The following ANKRD30BL variants were observed in gnomAD, a reference collection of about 807,000 sequenced individuals.
The protein encoded by ANKRD30BL is ankyrin repeat domain 30B like.
ANKRD30BL carries 20 observed loss-of-function variants against 18.4 expected under a neutral mutation model. That is an observed-to-expected ratio of 1.09 (90% confidence interval 0.77 to 1.58). The LOEUF is 1.58. Among genes scored for constraint, ANKRD30BL ranks in the 40% most tolerant of loss-of-function variants. The pLI is 0.00. For synonymous variants in ANKRD30BL, 72 were observed against 100.9 expected (o/e 0.71, Z 1.72); for missense variants, 224 against 268.6 (o/e 0.83, Z 1.16).
chr2:132,237,219 T>C (rs1174501821), intron 1 of ANKRD30BL, among the ~76,000 whole-genome samples: 2 of 152,002 alleles, frequency 1.3e-5, no homozygotes, highest in African/African-American at 4.8e-5. Context: ...GGCGCAAGTA[T>C]ACATATGTAA....
intron 1 of ANKRD30BL, among the ~76,000 whole-genome samples, chr2:132,254,785 G>A (rs79119939): frequency 4.0e-5 from 6 of 151,798 alleles, no homozygotes; most frequent in East Asian, 1.9e-4. Context: ...GATGCCGACC[G>A]CTCCAGGGTC....
chr2:132,230,957 T>C (rs890070795), intron 1 of ANKRD30BL, among the ~76,000 whole-genome samples: 1 of 151,740 alleles, frequency 6.6e-6, no homozygotes, highest in African/African-American at 2.4e-5. Context: ...GATGGAATGC[T>C]TTGCAGCCTT....
chr2:132,157,546 A>G (rs1234260369), intron 1 of ANKRD30BL, 123 bp from the exon 2 acceptor site: 2 of 447,254 alleles, frequency 4.5e-6, no homozygotes, highest in African/African-American at 4.1e-5. Flanking sequence ...AATATTTAAT[A>G]TTCTCCTGAA....
chr2:132,188,869 C>T (rs1678784237), intron 1 of ANKRD30BL, among the ~76,000 whole-genome samples: 1 of 152,136 alleles, frequency 6.6e-6, no homozygotes, highest in Admixed American at 6.6e-5. Context: ...ATACATCAGG[C>T]TTATTAAGTC....
chr2:132,247,815 C>T (rs1680544129), intron 1 of ANKRD30BL, among the ~76,000 whole-genome samples: 1 of 151,982 alleles, frequency 6.6e-6, no homozygotes, highest in African/African-American at 2.4e-5. Context: ...GCAGATAGTA[C>T]AAAAAGACTG....
At position 132,157,440 on chromosome 2, in the gene ANKRD30BL, C is replaced by G. The variant is rs567337910; in HGVS notation, c.219-17G>C. 1.3e-5 allele frequency: 8 copies of G among 624,764 alleles called. No homozygotes were observed. The highest frequency in any genetic ancestry group is 1.2e-4 in the South Asian group (6 of 49,018). The allele number at this position is 624,764 out of a possible 1,614,324, so 38.7% of individuals were successfully genotyped here. On this transcript the variant is annotated splice_polypyrimidine_tract_variant and intron_variant, in intron 1 of 5. Transcript: ENST00000409867. ...AGAGCAGTCCTACAAGAATGAGAGG[C>G]CTTTTAAGGAAAGTTTAGTCCACTG...
chr2:132,193,479 C>T (rs1372870784), intron 1 of ANKRD30BL, among the ~76,000 whole-genome samples: 1 of 152,052 alleles, frequency 6.6e-6, no homozygotes, highest in Non-Finnish European at 1.5e-5. Flanking sequence ...TCCTGATCCA[C>T]AGGCATAAAA....
chr2:132,172,809 G>A (rs1457439477), intron 1 of ANKRD30BL, among the ~76,000 whole-genome samples: 1 of 151,912 alleles, frequency 6.6e-6, no homozygotes, highest in African/African-American at 2.4e-5. Context: ...CCAGGTTCAA[G>A]TGATTCTTTT....
intron 1 of ANKRD30BL, among the ~76,000 whole-genome samples, chr2:132,240,446 GA>G (rs973771217): frequency 1.3e-5 from 2 of 151,820 alleles, no homozygotes; most frequent in African/African-American, 4.8e-5. Flanking sequence ...TCTATAAGGG[GA>G]AAGTTGGAAC....
At chr2:132,234,723 C>T (rs1440905050) in intron 1 of ANKRD30BL, among the ~76,000 whole-genome samples, 1 of 152,048 alleles carries the variant, frequency 6.6e-6, no homozygotes, top group Admixed American at 6.6e-5. Flanking sequence ...GAGTCCAGGA[C>T]CAGATGGATT....
chr2:132,236,946 T>TA (rs1680166867), intron 1 of ANKRD30BL, among the ~76,000 whole-genome samples: 1 of 151,706 alleles, frequency 6.6e-6, no homozygotes, highest in Admixed American at 6.6e-5. Flanking sequence ...TATGCAGCCA[T>TA]AAAAAATGAT....
In ANKRD30BL at chr2:132,161,746, G is replaced by T. The variant is rs1688070820; in HGVS notation, c.-41C>A. On this transcript the variant is annotated 5_prime_UTR_variant, in exon 1 of 6. Transcript: ENST00000409867. ...CTAGAGAGAGCCCGTGCCTCCCGCTGCTCGCCCTTCCCCAGTCCCCGCCGC... is the reference window on the plus strand; with the variant it reads ...CTAGAGAGAGCCCGTGCCTCCCGCTTCTCGCCCTTCCCCAGTCCCCGCCGC... 1.2e-5 allele frequency: 11 copies of T among 946,220 alleles called. No homozygotes were observed. Among genetic ancestry groups the T allele is most frequent in the Non-Finnish European group, 1.8e-5 (11 of 601,286 alleles). 58.6% of individuals were successfully genotyped at this position (946,220 alleles called of 1,614,324 possible). A position where few individuals can be genotyped will look rare whatever the true frequency, so the allele number is the denominator to read the frequency against.
intron 1 of ANKRD30BL, among the ~76,000 whole-genome samples, chr2:132,200,677 C>T (rs968072030): frequency 1.1e-4 from 16 of 152,192 alleles, no homozygotes; most frequent in Non-Finnish European, 2.2e-4. Context: ...ATTCCATGCT[C>T]ATGGGTAGGA....
At chr2:132,172,715 T>A (rs1688303364) in intron 1 of ANKRD30BL, among the ~76,000 whole-genome samples, 1 of 151,924 alleles carries the variant, frequency 6.6e-6, no homozygotes, top group African/African-American at 2.4e-5. Context: ...GGGTGACTTT[T>A]TTTTTTTTTT....
chr2:132,214,205 T>C (rs151033183), intron 1 of ANKRD30BL, among the ~76,000 whole-genome samples: 1 of 151,300 alleles, frequency 6.6e-6, no homozygotes, highest in African/African-American at 2.4e-5. Flanking sequence ...TCTTTGCGAT[T>C]GGTGTATTCA....
At chr2:132,203,194 G>A (rs1446889584) in intron 1 of ANKRD30BL, among the ~76,000 whole-genome samples, 1 of 152,298 alleles carries the variant, frequency 6.6e-6, no homozygotes. Context: ...AAAAGACATA[G>A]TGTGCCACCC....
chr2:132,157,829 A>G (rs1175182256), intron 1 of ANKRD30BL, among the ~76,000 whole-genome samples: 2 of 152,230 alleles, frequency 1.3e-5, no homozygotes, highest in African/African-American at 4.8e-5. Context: ...CACATGTAAC[A>G]GCTCAGTAAT....
intron 1 of ANKRD30BL, among the ~76,000 whole-genome samples, chr2:132,172,611 A>G (rs755980614): frequency 1.3e-5 from 2 of 151,940 alleles, no homozygotes; most frequent in Non-Finnish European, 2.9e-5. Context: ...TCTTTATTCT[A>G]TTATACATAT....
intron 1 of ANKRD30BL, among the ~76,000 whole-genome samples, chr2:132,184,763 C>A (rs1453482863): frequency 6.6e-6 from 1 of 151,770 alleles, no homozygotes; most frequent in East Asian, 1.9e-4. Context: ...GGATTCCCCC[C>A]TAATCCCAGT....
Sources: gnomAD v4.1 joint callset for allele counts (sites outside exome capture counted in the v4.1 genomes callset) on GRCh38, gnomAD v4.1.1 for gene constraint, MANE v1.5 for transcripts, NCBI Gene and HGNC (gene_info 2026-07-23, HGNC 2026-07-21) for gene names.